MICA: variants seen among roughly 807,000 people sequenced by gnomAD.
MICA encodes HLA class I antigen.
A neutral mutation model predicts 34.3 loss-of-function variants in MICA; 18 were observed. That is an observed-to-expected ratio of 0.52 (90% confidence interval 0.36 to 0.78). The LOEUF (loss-of-function observed/expected upper bound fraction) is 0.78. MICA is among the 30% of genes least tolerant of loss of function. The pLI, the probability that MICA is intolerant of heterozygous loss-of-function variation, is 0.00. For synonymous variants in MICA, 135 were observed against 156.9 expected, an observed-to-expected ratio of 0.86 and a Z score of 1.04; for missense variants, 333 against 409.4, an observed-to-expected ratio of 0.81 and a Z score of 1.61.
At chr6:31,412,565 T>C (rs1771260228) in intron 5 of MICA, 105 bp downstream of exon 5, 1 of 717,120 alleles carries the variant, frequency 1.4e-6, no homozygotes, top group Non-Finnish European at 2.3e-6. Context: ...AAGGCTTCCA[T>C]AACAGGGGAT....
At chr6:31,414,134 G>A (rs1259044114) in intron 5 of MICA, among the ~76,000 whole-genome samples, 3 of 151,984 alleles carry the variant, frequency 2.0e-5, no homozygotes, top group Admixed American at 2.0e-4. Flanking sequence ...TGTGGAGATG[G>A]TGGCTGTGGC....
chr6:31,406,458 C>G (rs1164350980), intron 1 of MICA, among the ~76,000 whole-genome samples: 2 of 151,358 alleles, frequency 1.3e-5, no homozygotes, highest in East Asian at 3.9e-4. Context: ...AGTTACTGAT[C>G]CTTTGTCAGA....
upstream of MICA, among the ~76,000 whole-genome samples, chr6:31,401,019 C>T (rs1439527577): frequency 6.6e-6 from 1 of 151,784 alleles, no homozygotes; most frequent in African/African-American, 2.4e-5. Context: ...TTAGAACAAA[C>T]CTTGCATATT....
At chr6:31,406,321 CT>C (rs1196601843) in intron 1 of MICA, among the ~76,000 whole-genome samples, 10 of 151,798 alleles carry the variant, frequency 6.6e-5, no homozygotes, top group African/African-American at 2.2e-4. Flanking sequence ...TGTTGAGCAC[CT>C]TTTCATATAC....
At position 31,411,111 on chromosome 6, in the gene MICA, A is replaced by G. The variant is rs1474745456; in HGVS notation, c.365A>G (p.His122Arg). ...CAGGAGATTAGGGTCTGTGAGATCCATGAAGACAACAGCACCAGGAGCTCC... is the reference window on the plus strand; with the variant it reads ...CAGGAGATTAGGGTCTGTGAGATCCGTGAAGACAACAGCACCAGGAGCTCC... ...SLQEIRVCEI[H>R]EDNSTRSSQH... Residue 122 changes from histidine (H) to arginine (R), a missense_variant, in exon 3 of 6, where the codon CAT becomes CGT. Physicochemically the swap from His to Arg is conservative, Grantham distance 29. Coordinates refer to ENST00000449934, the MANE Select transcript of MICA (RefSeq NM_001177519.3). This position sits in a 1 kb window ranked among gnomAD's most constrained non-coding sequence, Gnocchi z 4.3. The G allele has an allele frequency of 2.5e-6, 4 of 1,608,438 alleles. No individual in the cohort carries two copies. Among genetic ancestry groups the G allele is most frequent in the Non-Finnish European group, 3.4e-6 (4 of 1,178,102 alleles).
intron 5 of MICA, 57 bp downstream of exon 5, chr6:31,412,517 C>T (rs923826628): frequency 1.9e-6 from 2 of 1,061,708 alleles, no homozygotes; most frequent in Non-Finnish European, 2.8e-6. Context: ...GCAGTAGGGT[C>T]CCCTCATTGC....
In MICA at chr6:31,410,793, A is replaced by G; in HGVS notation, c.321A>G (p.Lys107=). The G allele has an allele frequency of 6.4e-7, 1 of 1,561,384 alleles. No individual in the cohort carries two copies. The highest frequency in any genetic ancestry group is 8.7e-7 in the Non-Finnish European group (1 of 1,152,676). The change falls in exon 2 of 6, where the codon AAA becomes AAG. Residue 107 remains lysine (K), a synonymous_variant. Coordinates refer to ENST00000449934, the MANE Select transcript of MICA (RefSeq NM_001177519.3). ...CCCTGGCTCATATCAAGGACCAGAA[A>G]GAAGGTGAGAGTCGGCAGGGGCAAG... ...RMTLAHIKDQ[K]EGLHSLQEIR... is the part of the protein sequence containing the mutation.
chr6:31,411,031 A>T lies in MICA; in HGVS notation c.326-41A>T, dbSNP rs926466816. The T allele has an allele frequency of 6.6e-6, 10 of 1,524,550 alleles. No individual in the cohort carries two copies. In the African/African-American group the frequency reaches 1.3e-4, roughly 19 times the overall value. The allele number at this position is 1,524,550 out of a possible 1,614,324, so 94.4% of individuals were successfully genotyped here. A position where few individuals can be genotyped will look rare whatever the true frequency, so the allele number is the denominator to read the frequency against. ...AGTTCCTCACTTGGGTGGAAAGGTG[A>T]TGGGTTCGGGAATGGAGAAGTCACT... On this transcript the variant is annotated intron_variant, in intron 2 of 5. Coordinates refer to ENST00000449934, the MANE Select transcript of MICA (RefSeq NM_001177519.3). This position sits in a 1 kb window ranked among gnomAD's most constrained non-coding sequence, Gnocchi z 4.3.
At position 31,403,816 on chromosome 6, in the gene MICA, G is replaced by A. The variant is rs1270824639; in HGVS notation, c.70+114G>A. ...CAGGGCGGGGCTCCTGTGCCCTGTC[G>A]GTGGCGCAGGGAGCTGGACGCGGCC... On this transcript the variant is annotated intron_variant, in intron 1 of 5. Transcript: ENST00000449934. This position sits in a 1 kb window ranked among gnomAD's most constrained non-coding sequence, Gnocchi z 4.7. 7.4e-6 allele frequency: 7 copies of A among 940,588 alleles called. No individual in the cohort carries two copies. The highest frequency in any genetic ancestry group is 1.1e-5 in the Non-Finnish European group (7 of 648,838). The allele number at this position is 940,588 out of a possible 1,614,324, so 58.3% of individuals were successfully genotyped here.
Position 31,411,464 on chromosome 6 carries a change from A to G in MICA, c.613+105A>G, listed in dbSNP as rs186653386. ...CCCTCCCTGTGCTATGGATGAAGGCATTTCCTGTTGGCACATCGTGTCCTG... is the reference window on the plus strand; with the variant it reads ...CCCTCCCTGTGCTATGGATGAAGGCGTTTCCTGTTGGCACATCGTGTCCTG... On this transcript the variant is annotated intron_variant, in intron 3 of 5. Coordinates refer to ENST00000449934, the MANE Select transcript of MICA (RefSeq NM_001177519.3). The surrounding 1 kb of genome is among the most constrained non-coding windows in gnomAD (Gnocchi z 4.3). 223 of 1,156,420 alleles carry G rather than the reference A, an allele frequency of 1.9e-4. 1 individual carries two copies. The African/African-American group carries it at 3.2e-3, about 17-fold the overall frequency. 71.6% of individuals were successfully genotyped at this position (1,156,420 alleles called of 1,614,324 possible).
chr6:31,403,577 G>T, upstream of MICA: 1 of 1,401,164 alleles, frequency 7.1e-7, no homozygotes, highest in Admixed American at 3.0e-5. This position sits in a 1 kb window ranked among gnomAD's most constrained non-coding sequence, Gnocchi z 4.7. Context: ...AAGTTTCCGC[G>T]GCGCCTTCTC....
upstream of MICA, among the ~76,000 whole-genome samples, chr6:31,403,007 T>G (rs1241994210): frequency 2.0e-5 from 3 of 151,282 alleles, no homozygotes; most frequent in African/African-American, 4.9e-5. The surrounding 1 kb of genome is among the most constrained non-coding windows in gnomAD (Gnocchi z 4.7). Flanking sequence ...GAGAAGGAGA[T>G]TATAAAGCTG....
chr6:31,404,660 A>G lies in MICA; in HGVS notation c.70+958A>G, dbSNP rs573393071. The stretch of plus-strand genomic sequence containing the variant: ...CTCTAACTTTCTGGTGCTGCCTTTT[A>G]TCCGGGGGGGTCTTCCCTCCATCCC... On this transcript the variant is annotated intron_variant, in intron 1 of 5. Coordinates refer to ENST00000449934, the MANE Select transcript of MICA (RefSeq NM_001177519.3). 4.2e-3 allele frequency among the ~76,000 whole-genome samples: 634 copies of G among 151,754 alleles called. 14 individuals carry two copies. In the East Asian group the frequency reaches 0.051, roughly 12 times the overall value.
chr6:31,412,070 T>C lies in MICA; in HGVS notation c.737T>C (p.Leu246Ser). The C allele has an allele frequency of 1.2e-6, 2 of 1,613,194 alleles. No individual in the cohort carries two copies. The highest frequency in any genetic ancestry group is 1.7e-6 in the Non-Finnish European group (2 of 1,179,920). ...ACCTGGCGTCAGGATGGGGTATCTT[T>C]GAGCCACGACACCCAGCAGTGGGGG... ...ILTWRQDGVS[L>S]SHDTQQWGDV... Residue 246 changes from leucine (L) to serine (S), a missense_variant, in exon 4 of 6, where the codon TTG becomes TCG. Leu to Ser is a moderately radical substitution (Grantham distance 145). Coordinates refer to ENST00000449934, the MANE Select transcript of MICA (RefSeq NM_001177519.3).
At chr6:31,414,552 G>A (rs1194681022) in intron 5 of MICA, among the ~76,000 whole-genome samples, 2 of 152,044 alleles carry the variant, frequency 1.3e-5, no homozygotes, top group African/African-American at 2.4e-5. Flanking sequence ...CTCAGGGCTG[G>A]GAGGGGAGGA....
intron 1 of MICA, among the ~76,000 whole-genome samples, chr6:31,408,862 G>A (rs1390954936): frequency 9.2e-5 from 14 of 151,596 alleles, no homozygotes; most frequent in Admixed American, 7.9e-4. Context: ...AAAGTTAGCC[G>A]GGCGTGATGG....
chr6:31,407,561 G>A (rs1357001018), intron 1 of MICA, among the ~76,000 whole-genome samples: 2 of 151,926 alleles, frequency 1.3e-5, no homozygotes, highest in Non-Finnish European at 2.9e-5. Context: ...AGTTTTTATT[G>A]GAGAGGTCTT....
At chr6:31,407,507 A>T (rs2113735452) in intron 1 of MICA, among the ~76,000 whole-genome samples, 1 of 152,104 alleles carries the variant, frequency 6.6e-6, no homozygotes, top group South Asian at 2.1e-4. Context: ...AAGTGCTGGG[A>T]TTACAGGCAT....
At chr6:31,414,289 G>A (rs1302719824) in intron 5 of MICA, among the ~76,000 whole-genome samples, 6 of 152,036 alleles carry the variant, frequency 3.9e-5, no homozygotes, top group Admixed American at 6.6e-5. Context: ...GGAAGGCCTC[G>A]CAGCCTCACC....
Sources: gnomAD v4.1 joint callset for allele counts (sites outside exome capture counted in the v4.1 genomes callset) on GRCh38, gnomAD v4.1.1 for gene constraint, Gnocchi (gnomAD v3.1) non-coding constraint, MANE v1.5 for transcripts, NCBI Gene and HGNC (gene_info 2026-07-23, HGNC 2026-07-21) for gene names.